The following PSMD4 variants were observed in gnomAD, a reference collection of about 807,000 sequenced individuals.
PSMD4 encodes 26S proteasome non-ATPase regulatory subunit 4.
A neutral mutation model predicts 39.7 loss-of-function variants in PSMD4; 5 were observed. The ratio of observed to expected loss-of-function variants is 0.13; its 90% CI spans 0.07 to 0.26. The LOEUF is 0.26. Ranked by LOEUF, PSMD4 falls within the 10% of genes least tolerant of loss-of-function variation. PSMD4 has a pLI of 1.00. For missense variants in PSMD4, 272 were observed against 486.1 expected, an observed-to-expected ratio of 0.56 and a Z score of 4.14; for synonymous variants, 143 against 174.6, an observed-to-expected ratio of 0.82 and a Z score of 1.43.
intron 5 of PSMD4, 42 bp downstream of exon 5, chr1:151,265,276 A>T: frequency 6.2e-7 from 1 of 1,601,180 alleles, no homozygotes; most frequent in Non-Finnish European, 8.6e-7. Context: ...TAATTTGGTC[A>T]TAAACAGAAT....
At chr1:151,264,763 C>T in intron 3 of PSMD4, 69 bp from the exon 4 acceptor site, 1 of 1,284,352 alleles carries the variant, frequency 7.8e-7, no homozygotes, top group Non-Finnish European at 1.1e-6. Flanking sequence ...AAAAAGGGAA[C>T]CGAGTGACAG....
In PSMD4 at chr1:151,265,169, G is replaced by C; in HGVS notation, c.373G>C (p.Val125Leu). The change falls in exon 5 of 10, where the codon GTG becomes CTG. Residue 125 changes from valine (V) to leucine (L), a missense_variant. Coordinates refer to ENST00000368884, the MANE Select transcript of PSMD4 (RefSeq NM_002810.4). ...ATTTTTCTCCCCTTCTTCCCAGCTG[G>C]TGAAACTGGCTAAACGCCTCAAGAA... ...SPVEDNEKDL[V>L]KLAKRLKKEK... is the part of the protein sequence containing the mutation. The C allele has an allele frequency of 6.2e-7, 1 of 1,611,188 alleles. No homozygotes were observed.
chr1:151,264,871 C>T lies in PSMD4; in HGVS notation c.322C>T (p.Arg108Cys), dbSNP rs756640390. Reference sequence around the variant, plus strand: ...CCGACAAGGCAAGAATCACAAGATGCGCATCATTGCCTTTGTGGGAAGCCC... The same window carrying T: ...CCGACAAGGCAAGAATCACAAGATGTGCATCATTGCCTTTGTGGGAAGCCC... ...KHRQGKNHKM[R>C]IIAFVGSPVE... is the part of the protein sequence containing the mutation. The change falls in exon 4 of 10, where the codon CGC (arginine) becomes TGC (cysteine). Residue 108 changes from arginine (R) to cysteine (C), a missense_variant. Arg to Cys is a radical substitution (Grantham distance 180). Coordinates refer to ENST00000368884, the MANE Select transcript of PSMD4 (RefSeq NM_002810.4). The T allele has an allele frequency of 3.1e-6, 5 of 1,613,566 alleles. No individual in the cohort carries two copies. The African/African-American group carries it at 4.0e-5, about 13-fold the overall frequency.
rs111878731 is a variant in PSMD4, at chr1:151,260,848, AT to A, written c.27-1296del. Among the ~76,000 whole-genome samples the A allele has an allele frequency of 8.5e-3, 1,162 of 136,236 alleles. 5 individuals are homozygous for A. Among genetic ancestry groups the A allele is most frequent in the Middle Eastern group, 0.015 (4 of 266 alleles). 89.4% of individuals were successfully genotyped at this position (136,236 alleles called of 152,430 possible). A position where few individuals can be genotyped will look rare whatever the true frequency, so the allele number is the denominator to read the frequency against. Reference sequence around the variant, plus strand: ...CACCATGCCTGGCCCTATTTTATAGATTTTTTTTTTTTTTTTTGATGGAGTC... The same window carrying A: ...CACCATGCCTGGCCCTATTTTATAGATTTTTTTTTTTTTTTTGATGGAGTC... On this transcript the variant is annotated intron_variant, in intron 1 of 9. Transcript: ENST00000368884.
At chr1:151,263,820 A>C in intron 2 of PSMD4, 94 bp from the exon 3 acceptor site, 1 of 891,100 alleles carries the variant, frequency 1.1e-6, no homozygotes, top group Non-Finnish European at 1.7e-6. Context: ...ACAGAGTGAG[A>C]CTCCGTCTAA....
At chr1:151,262,035 A>C (rs1206964332) in intron 1 of PSMD4, 126 bp from the exon 2 acceptor site, 1 of 995,426 alleles carries the variant, frequency 1.0e-6, no homozygotes. Flanking sequence ...TGTATATTTA[A>C]AAAAGAAAAA....
intron 2 of PSMD4, 122 bp downstream of exon 2, chr1:151,262,423 G>A (rs903408742): frequency 1.6e-6 from 2 of 1,230,046 alleles, no homozygotes; most frequent in East Asian, 2.3e-5. Context: ...GCACTATTTA[G>A]TGTAAATGTC....
intron 1 of PSMD4, 74 bp downstream of exon 1, chr1:151,254,882 T>C: frequency 1.0e-6 from 1 of 967,396 alleles, no homozygotes; most frequent in African/African-American, 1.8e-5. Flanking sequence ...AGGGAGGGCC[T>C]GGGGTGGGGG....
intron 7 of PSMD4, 45 bp from the exon 8 acceptor site, chr1:151,266,263 G>A (rs1440114657): frequency 4.6e-5 from 74 of 1,612,814 alleles, no homozygotes; most frequent in Non-Finnish European, 5.7e-5. Flanking sequence ...TGGCCTGTGT[G>A]GATATGGCAC....
intron 2 of PSMD4, among the ~76,000 whole-genome samples, chr1:151,263,234 C>T (rs372377756): frequency 5.9e-5 from 9 of 151,476 alleles, no homozygotes; most frequent in African/African-American, 2.2e-4. Context: ...GAGGCCAAGG[C>T]AGACGGATCA....
intron 1 of PSMD4, among the ~76,000 whole-genome samples, chr1:151,257,556 A>G (rs1338280859): frequency 1.3e-5 from 2 of 151,808 alleles, no homozygotes; most frequent in African/African-American, 4.8e-5. Flanking sequence ...TAATTAATTA[A>G]TTAATTTATG....
At position 151,265,334 on chromosome 1, in the gene PSMD4, A is replaced by C. The variant is rs587703979; in HGVS notation, c.439-60A>C. 2.5e-6 allele frequency: 4 copies of C among 1,600,750 alleles called. No individual in the cohort carries two copies. In the African/African-American group the frequency reaches 5.4e-5, roughly 21 times the overall value. ...GGGTACTGTGGCAGAGTAGTGCAGA[A>C]ATGGGAAAGAACAGGGAGCAAGGCC... is the stretch of plus-strand genomic sequence containing the variant. On this transcript the variant is annotated intron_variant, in intron 5 of 9. Transcript: ENST00000368884.
intron 1 of PSMD4, among the ~76,000 whole-genome samples, chr1:151,255,756 G>A (rs1240500934): frequency 2.0e-5 from 3 of 151,844 alleles, no homozygotes; most frequent in South Asian, 2.1e-4. Flanking sequence ...AGACGGTCTC[G>A]CTCTGTCTCC....
At chr1:151,257,715 C>CTTTTTTTTTTTTTTTTTTTTTTTTTTT (rs71090149) in intron 1 of PSMD4, among the ~76,000 whole-genome samples, 1 of 88,718 alleles carries the variant, frequency 1.1e-5, no homozygotes, top group Non-Finnish European at 2.0e-5. Flanking sequence ...ACCTGGCTTT[C>CTTTTTTTTTTTTTTTTTTTTTTTTTTT]TTTTTTTTTT....
chr1:151,261,954 CAAA>C (rs11370693), intron 1 of PSMD4, among the ~76,000 whole-genome samples: 3 of 125,038 alleles, frequency 2.4e-5, no homozygotes, highest in Admixed American at 8.5e-5. Context: ...GACCCTATCT[CAAA>C]AAAAAAAAAA....
Position 151,264,935 on chromosome 1 carries a change from G to C in PSMD4, c.369+17G>C. ...GAGAAGGATGTGAGTCCAAGTGGCA[G>C]CTGGGGAATGTGGGGAGCCCATGTT... On this transcript the variant is annotated intron_variant, in intron 4 of 9. Transcript: ENST00000368884. 1 of 1,596,664 alleles carries C rather than the reference G, an allele frequency of 6.3e-7. No homozygotes were observed. The highest frequency in any genetic ancestry group is 1.1e-5 in the South Asian group (1 of 89,754).
chr1:151,258,828 G>A (rs964138004), intron 1 of PSMD4, among the ~76,000 whole-genome samples: 10 of 151,996 alleles, frequency 6.6e-5, no homozygotes, highest in African/African-American at 2.4e-4. Context: ...GGCAGGAGAA[G>A]GGGTTAAGCC....
intron 2 of PSMD4, 42 bp from the exon 3 acceptor site, chr1:151,263,872 G>T (rs374886637): frequency 3.0e-6 from 4 of 1,348,778 alleles, no homozygotes; most frequent in Non-Finnish European, 4.1e-6. Flanking sequence ...AGAGGTACTT[G>T]TGCTGACCTG....
chr1:151,255,310 A>G (rs1011403808), intron 1 of PSMD4, among the ~76,000 whole-genome samples: 6 of 152,068 alleles, frequency 3.9e-5, no homozygotes, highest in Admixed American at 3.3e-4. Flanking sequence ...ATACCTCACA[A>G]CCACACCTTA....
Sources: gnomAD v4.1 joint callset for allele counts (sites outside exome capture counted in the v4.1 genomes callset) on GRCh38, gnomAD v4.1.1 for gene constraint, MANE v1.5 for transcripts, NCBI Gene and HGNC (gene_info 2026-07-23, HGNC 2026-07-21) for gene names.